Variants in CADPS2 observed in about 807,000 individuals in gnomAD.
CADPS2 encodes the protein calcium-dependent secretion activator 2.
A neutral mutation model predicts 172.5 loss-of-function variants in CADPS2; 93 were observed. That is an observed-to-expected ratio of 0.54 (90% CI 0.46 to 0.64). The LOEUF is 0.64. Among genes scored for constraint, CADPS2 ranks in the 30% least tolerant of loss-of-function variants. The pLI, the probability that CADPS2 is intolerant of heterozygous loss-of-function variation, is 0.00. For missense variants in CADPS2, 1,420 were observed against 1,565.9 expected (o/e 0.91, Z 1.57); for synonymous variants, 546 against 555.2 (o/e 0.98, Z 0.23).
chr7:122,643,620 C>T (rs1401454502), intron 3 of CADPS2, among the ~76,000 whole-genome samples: 3 of 152,048 alleles, frequency 2.0e-5, no homozygotes, highest in Non-Finnish European at 4.4e-5. Flanking sequence ...CAATATGGTT[C>T]CCCTATTTCT....
chr7:122,670,081 A>G (rs1390425767), intron 2 of CADPS2, among the ~76,000 whole-genome samples: 1 of 151,862 alleles, frequency 6.6e-6, no homozygotes, highest in Non-Finnish European at 1.5e-5. Flanking sequence ...CTGGGGCTCA[A>G]GGGATGACAG....
intron 28 of CADPS2, among the ~76,000 whole-genome samples, chr7:122,332,268 C>T (rs1232155753): frequency 6.6e-6 from 1 of 152,084 alleles, no homozygotes; most frequent in Non-Finnish European, 1.5e-5. Flanking sequence ...TTTTAAAGTG[C>T]TATATACCAT....
intron 6 of CADPS2, among the ~76,000 whole-genome samples, chr7:122,595,459 C>A (rs2071612598): frequency 6.6e-6 from 1 of 151,976 alleles, no homozygotes; most frequent in Non-Finnish European, 1.5e-5. Context: ...ATTTGAAGAT[C>A]TTGGAATTGC....
At chr7:122,588,736 G>C (rs1401043651) in intron 6 of CADPS2, among the ~76,000 whole-genome samples, 3 of 151,870 alleles carry the variant, frequency 2.0e-5, no homozygotes, top group Non-Finnish European at 4.4e-5. Flanking sequence ...TCCTATGAGA[G>C]ATTTGCTGAA....
At chr7:122,748,281 A>T (rs1588959564) in intron 1 of CADPS2, among the ~76,000 whole-genome samples, 1 of 152,302 alleles carries the variant, frequency 6.6e-6, no homozygotes, top group East Asian at 1.9e-4. Flanking sequence ...TGAGGCCAAA[A>T]GAAGAGCAAA....
At chr7:122,437,483 C>T (rs539537265) in intron 17 of CADPS2, among the ~76,000 whole-genome samples, 44 of 151,998 alleles carry the variant, frequency 2.9e-4, no homozygotes, top group African/African-American at 1.0e-3. Context: ...TCCTTGAGTA[C>T]CATTTTATAT....
intron 17 of CADPS2, among the ~76,000 whole-genome samples, chr7:122,429,873 CTG>C (rs2049651235): frequency 1.3e-5 from 2 of 149,660 alleles, no homozygotes; most frequent in African/African-American, 5.0e-5. Flanking sequence ...TTGCCACAAA[CTG>C]TGCAGTTTTT....
At chr7:122,392,640 A>G (rs2044526658) in intron 22 of CADPS2, among the ~76,000 whole-genome samples, 1 of 152,204 alleles carries the variant, frequency 6.6e-6, no homozygotes, top group African/African-American at 2.4e-5. Flanking sequence ...CTATTTAAAA[A>G]TACCAAGATG....
At chr7:122,328,897 C>G (rs2034423224) in intron 28 of CADPS2, among the ~76,000 whole-genome samples, 1 of 152,130 alleles carries the variant, frequency 6.6e-6, no homozygotes. Flanking sequence ...GCACGGAAAA[C>G]AGAACATCAG....
chr7:122,738,188 A>G (rs947782104), intron 1 of CADPS2, among the ~76,000 whole-genome samples: 4 of 152,128 alleles, frequency 2.6e-5, no homozygotes, highest in African/African-American at 9.7e-5. Context: ...GTCATCAACT[A>G]CAAGCAGGGT....
At chr7:122,463,350 C>T (rs952760520) in intron 14 of CADPS2, among the ~76,000 whole-genome samples, 4 of 151,294 alleles carry the variant, frequency 2.6e-5, no homozygotes, top group African/African-American at 4.8e-5. Context: ...GGTGGAGTCT[C>T]GCTCTGTTGC....
intron 14 of CADPS2, among the ~76,000 whole-genome samples, chr7:122,459,175 C>A (rs1288408586): frequency 6.6e-6 from 1 of 151,540 alleles, no homozygotes; most frequent in African/African-American, 2.4e-5. Flanking sequence ...GAACTGTAAG[C>A]TTTTAAAATA....
At chr7:122,453,133 C>T (rs1294955610) in intron 14 of CADPS2, among the ~76,000 whole-genome samples, 1 of 152,020 alleles carries the variant, frequency 6.6e-6, no homozygotes, top group Non-Finnish European at 1.5e-5. Context: ...AATAGGGAAA[C>T]ATTACTTAAT....
At chr7:122,708,844 G>C (rs886360670) in intron 2 of CADPS2, among the ~76,000 whole-genome samples, 9 of 151,686 alleles carry the variant, frequency 5.9e-5, no homozygotes, top group Admixed American at 4.6e-4. Context: ...GGGAAGTAAC[G>C]GGGGGAAAAA....
chr7:122,366,679 ATATACG>A (rs2040935267), intron 25 of CADPS2: 9 of 123,610 alleles, frequency 7.3e-5, no homozygotes, highest in African/African-American at 2.3e-4. Flanking sequence ...ATATATATAT[ATATACG>A]TATATATATA....
At chr7:122,833,538 T>TG (rs1010515353) in intron 1 of CADPS2, among the ~76,000 whole-genome samples, 21 of 151,784 alleles carry the variant, frequency 1.4e-4, no homozygotes, top group Non-Finnish European at 2.2e-4. Flanking sequence ...CTTTGTTTTT[T>TG]TTTGTTTGTT....
chr7:122,495,760 C>T (rs974720431), intron 9 of CADPS2, among the ~76,000 whole-genome samples: 1 of 152,098 alleles, frequency 6.6e-6, no homozygotes, highest in African/African-American at 2.4e-5. Context: ...ACTATATATA[C>T]CTGTGGTATA....
chr7:122,585,415 T>C (rs2069506035), intron 6 of CADPS2: 1 of 114,214 alleles, frequency 8.8e-6, no homozygotes, highest in Admixed American at 9.7e-5. Flanking sequence ...AATTCTAGAA[T>C]GAATAAATTA....
chr7:122,522,946 T>C (rs1446544045), intron 8 of CADPS2, among the ~76,000 whole-genome samples: 2 of 152,216 alleles, frequency 1.3e-5, no homozygotes, highest in African/African-American at 4.8e-5. Flanking sequence ...TGTGTACATG[T>C]ACCACATTTT....
Sources: allele counts gnomAD v4.1 joint callset (sites outside exome capture counted in the v4.1 genomes callset), GRCh38; gene constraint gnomAD v4.1.1; transcripts MANE v1.5; gene names NCBI Gene and HGNC (gene_info 2026-07-23, HGNC 2026-07-21).